Variants in PCDHA10 observed in about 807,000 individuals in gnomAD.
PCDHA10 encodes the protein protocadherin alpha-10.
PCDHA10 carries 45 observed loss-of-function variants against 61.2 expected under a neutral mutation model. That is an observed-to-expected ratio of 0.74 (90% CI 0.58 to 0.94). PCDHA10 has a LOEUF of 0.94. PCDHA10 is among the 40% of genes least tolerant of loss of function. The probability of loss-of-function intolerance (pLI) is 0.00; values close to 1 mark genes in which losing one functional copy is unlikely to be tolerated. For synonymous variants in PCDHA10, 602 were observed against 548.8 expected (o/e 1.10, Z -1.35); for missense variants, 1,278 against 1,236.2 (o/e 1.03, Z -0.51).
At chr5:140,871,015 G>C in intron 1 of PCDHA10, 1 of 1,613,244 alleles carries the variant, frequency 6.2e-7, no homozygotes, top group Non-Finnish European at 8.5e-7. Context: ...TGCCCTGGAC[G>C]AGGCAGACTC....
intron 1 of PCDHA10, chr5:140,863,555 T>A (rs2153224638): frequency 2.6e-6 from 1 of 378,382 alleles, no homozygotes; most frequent in East Asian, 6.5e-5. Flanking sequence ...CAATAGGAAA[T>A]TTTTGAGAAT....
intron 1 of PCDHA10, among the ~76,000 whole-genome samples, chr5:140,961,335 A>G (rs548773476): frequency 1.6e-4 from 24 of 152,322 alleles, no homozygotes; most frequent in African/African-American, 5.8e-4. Context: ...TGAGAGACCA[A>G]GAGTGGATCC....
intron 1 of PCDHA10, chr5:140,870,983 C>T (rs1554164955): frequency 1.2e-6 from 2 of 1,613,520 alleles, no homozygotes; most frequent in East Asian, 2.2e-5. Context: ...GGGCTGTACA[C>T]GGGCGAGATA....
At chr5:140,887,955 CT>C (rs2061644555) in intron 1 of PCDHA10, among the ~76,000 whole-genome samples, 1 of 152,088 alleles carries the variant, frequency 6.6e-6, no homozygotes, top group Non-Finnish European at 1.5e-5. Flanking sequence ...GTATAAGATT[CT>C]TTTTGTCTCT....
At chr5:140,871,055 A>T (rs782721683) in intron 1 of PCDHA10, 9 of 1,613,326 alleles carry the variant, frequency 5.6e-6, no homozygotes, top group African/African-American at 2.7e-5. Context: ...GTACTGGTGA[A>T]GGATCACGGT....
rs782277287 is a variant in PCDHA10 at position 140,929,397 on chromosome 5, T to C, written c.2389-49552T>C. 4.6e-6 allele frequency: 7 copies of C among 1,509,852 alleles called. No homozygotes were observed. In the South Asian group the frequency reaches 9.5e-5, roughly 21 times the overall value. The allele number at this position is 1,509,852 out of a possible 1,614,324, so 93.5% of individuals were successfully genotyped here. A position where few individuals can be genotyped will look rare whatever the true frequency, so the allele number is the denominator to read the frequency against. Reference sequence around the variant, plus strand: ...GCTAGCTGTGTTTTGAAATATTTCTTAGACAAGCCTTTCACAACATTTCAT... The same window carrying C: ...GCTAGCTGTGTTTTGAAATATTTCTCAGACAAGCCTTTCACAACATTTCAT... On this transcript the variant is annotated intron_variant, in intron 1 of 3. Transcript: ENST00000307360.
At chr5:140,977,730 T>C (rs1478978176) in intron 1 of PCDHA10, among the ~76,000 whole-genome samples, 1 of 152,226 alleles carries the variant, frequency 6.6e-6, no homozygotes, top group Non-Finnish European at 1.5e-5. Flanking sequence ...ATTTCTCTCC[T>C]GGGTGTTATG....
intron 1 of PCDHA10, chr5:140,875,344 A>C: frequency 6.9e-7 from 1 of 1,442,996 alleles, no homozygotes; most frequent in Non-Finnish European, 9.1e-7. Flanking sequence ...TCGACTCCAT[A>C]ATGACTGTGA....
intron 1 of PCDHA10, among the ~76,000 whole-genome samples, chr5:140,960,819 G>A (rs1287793882): frequency 1.3e-5 from 2 of 152,146 alleles, no homozygotes; most frequent in Admixed American, 6.5e-5. Context: ...CCCAAGTGAT[G>A]AATGGAAACT....
chr5:140,961,748 A>G (rs2095633419), intron 1 of PCDHA10, among the ~76,000 whole-genome samples: 1 of 152,184 alleles, frequency 6.6e-6, no homozygotes, highest in Non-Finnish European at 1.5e-5. Flanking sequence ...GTAATATTAC[A>G]GTTTTGAAGG....
At chr5:140,953,565 C>A (rs1433649283) in intron 1 of PCDHA10, among the ~76,000 whole-genome samples, 2 of 151,370 alleles carry the variant, frequency 1.3e-5, no homozygotes, top group African/African-American at 2.5e-5. Context: ...AGTTTTAGTG[C>A]CCTCCTCTCC....
At chr5:140,883,888 T>C (rs781919107) in intron 1 of PCDHA10, 12 of 1,612,946 alleles carry the variant, frequency 7.4e-6, no homozygotes, top group African/African-American at 5.4e-5. Flanking sequence ...CGCGCGACTC[T>C]GGCGTGCCGC....
At chr5:140,939,253 G>C (rs1399135372) in intron 1 of PCDHA10, among the ~76,000 whole-genome samples, 2 of 152,060 alleles carry the variant, frequency 1.3e-5, no homozygotes, top group African/African-American at 4.8e-5. Context: ...TAGCTCTCTG[G>C]AACCTCTTTT....
At chr5:140,883,342 C>T in intron 1 of PCDHA10, 1 of 1,614,154 alleles carries the variant, frequency 6.2e-7, no homozygotes, top group Non-Finnish European at 8.5e-7. Flanking sequence ...TGTCACTCCC[C>T]ATCAGAGAAG....
chr5:140,910,528 T>A (rs2153515102), intron 1 of PCDHA10, among the ~76,000 whole-genome samples: 1 of 152,314 alleles, frequency 6.6e-6, no homozygotes, highest in African/African-American at 2.4e-5. Flanking sequence ...GGTACTCCCC[T>A]CACAAATCTA....
At chr5:140,860,453 G>A (rs1444199849) in intron 1 of PCDHA10, 5 of 152,018 alleles carry the variant, frequency 3.3e-5, no homozygotes, top group African/African-American at 1.2e-4. Flanking sequence ...ATTAATTCAC[G>A]TGATAATACA....
At chr5:140,943,717 T>A (rs1269511670) in intron 1 of PCDHA10, among the ~76,000 whole-genome samples, 1 of 152,108 alleles carries the variant, frequency 6.6e-6, no homozygotes, top group Non-Finnish European at 1.5e-5. Context: ...CATTTAAAGG[T>A]CTGAGAGAAT....
Position 140,858,482 on chromosome 5 carries a change from A to G in PCDHA10, c.2388+46A>G, listed in dbSNP as rs369228910. The G allele has an allele frequency of 2.7e-6, 4 of 1,507,654 alleles. 1 individual carries two copies. In the African/African-American group the frequency reaches 5.6e-5, roughly 21 times the overall value. 93.4% of individuals were successfully genotyped at this position (1,507,654 alleles called of 1,614,324 possible). On this transcript the variant is annotated intron_variant, in intron 1 of 3. Transcript: ENST00000307360. Reference sequence around the variant, plus strand: ...TTTCCTTTTGTGCTTTATGAATAATATTTTCTCTTACCGCATTTTCTCAAA... The same window carrying G: ...TTTCCTTTTGTGCTTTATGAATAATGTTTTCTCTTACCGCATTTTCTCAAA...
intron 1 of PCDHA10, among the ~76,000 whole-genome samples, chr5:140,974,639 G>A (rs896104665): frequency 2.0e-5 from 3 of 152,198 alleles, no homozygotes; most frequent in African/African-American, 7.2e-5. Context: ...AACCTCCCGA[G>A]TAGCTGAGAT....
Sources: allele counts gnomAD v4.1 joint callset (sites outside exome capture counted in the v4.1 genomes callset), GRCh38; gene constraint gnomAD v4.1.1; transcripts MANE v1.5; gene names NCBI Gene and HGNC (gene_info 2026-07-23, HGNC 2026-07-21).